FRZB: variants seen among roughly 807,000 people sequenced by gnomAD.
FRZB encodes the protein frizzled related protein.
Under a neutral mutation model 32.5 loss-of-function variants are expected in FRZB, and 34 were observed. That is an observed-to-expected ratio of 1.05 (90% CI 0.80 to 1.39). The LOEUF is 1.39. Among genes scored for constraint, FRZB ranks in the 40% most tolerant of loss-of-function variants. The pLI is 0.00. For missense variants in FRZB, 423 were observed against 424.8 expected, an observed-to-expected ratio of 1.00 and a Z score of 0.04; for synonymous variants, 170 against 159.2, an observed-to-expected ratio of 1.07 and a Z score of -0.51.
intron 2 of FRZB, among the ~76,000 whole-genome samples, chr2:182,853,268 A>G (rs184033157): frequency 6.6e-6 from 1 of 152,322 alleles, no homozygotes; most frequent in Non-Finnish European, 1.5e-5. Flanking sequence ...TACATGTTGA[A>G]CTGTTTTTTG....
chr2:182,836,185 C>T (rs779381217), intron 5 of FRZB, among the ~76,000 whole-genome samples: 1 of 151,810 alleles, frequency 6.6e-6, no homozygotes, highest in Non-Finnish European at 1.5e-5. Context: ...GGTAAACAAC[C>T]ATTTGCATGA....
intron 5 of FRZB, among the ~76,000 whole-genome samples, chr2:182,836,398 T>C (rs1695525919): frequency 1.3e-5 from 2 of 152,080 alleles, no homozygotes; most frequent in South Asian, 2.1e-4. Flanking sequence ...GCCCTCAATA[T>C]CTGCATATGA....
intron 2 of FRZB, among the ~76,000 whole-genome samples, chr2:182,845,294 C>G (rs1695627856): frequency 6.6e-6 from 1 of 152,166 alleles, no homozygotes; most frequent in Non-Finnish European, 1.5e-5. Context: ...TACCCTAAAT[C>G]AGATGTAACA....
chr2:182,858,584 T>C (rs1356490732), intron 2 of FRZB, among the ~76,000 whole-genome samples: 1 of 152,158 alleles, frequency 6.6e-6, no homozygotes, highest in Non-Finnish European at 1.5e-5. Flanking sequence ...AATTCATCTG[T>C]ACCAAACTAT....
chr2:182,856,983 A>T (rs1574988135), intron 2 of FRZB, among the ~76,000 whole-genome samples: 1 of 152,348 alleles, frequency 6.6e-6, no homozygotes, highest in Admixed American at 6.5e-5. Context: ...TTTAAAGGAC[A>T]TTCCACCCAA....
intron 2 of FRZB, among the ~76,000 whole-genome samples, chr2:182,856,202 A>C (rs1365258382): frequency 1.3e-5 from 2 of 152,048 alleles, no homozygotes; most frequent in Non-Finnish European, 2.9e-5. Context: ...ACCAGAAGGA[A>C]GTATGGAATG....
At chr2:182,848,696 T>C (rs1695674602) in intron 2 of FRZB, among the ~76,000 whole-genome samples, 1 of 152,156 alleles carries the variant, frequency 6.6e-6, no homozygotes, top group Non-Finnish European at 1.5e-5. Context: ...ATAGAAGTCA[T>C]ATTGGTATTA....
intron 2 of FRZB, among the ~76,000 whole-genome samples, chr2:182,846,529 A>G (rs1457484690): frequency 1.3e-5 from 2 of 152,260 alleles, no homozygotes; most frequent in South Asian, 2.1e-4. Flanking sequence ...TTGTGTTACA[A>G]TCTCCTTTAT....
At chr2:182,847,084 TG>T (rs1239032428) in intron 2 of FRZB, among the ~76,000 whole-genome samples, 1 of 152,156 alleles carries the variant, frequency 6.6e-6, no homozygotes, top group African/African-American at 2.4e-5. Flanking sequence ...GTAGGACACA[TG>T]ATGGGCACTA....
At chr2:182,844,031 C>T (rs1695613661) in intron 2 of FRZB, among the ~76,000 whole-genome samples, 1 of 152,084 alleles carries the variant, frequency 6.6e-6, no homozygotes, top group Non-Finnish European at 1.5e-5. Flanking sequence ...ATTTTATTTC[C>T]AGTTGAACTT....
At position 182,842,525 on chromosome 2, in the gene FRZB, G is replaced by T; in HGVS notation, c.545C>A (p.Pro182His). The T allele has an allele frequency of 5.6e-6, 9 of 1,612,184 alleles. No homozygotes were observed. Among genetic ancestry groups the T allele is most frequent in the Non-Finnish European group, 7.6e-6 (9 of 1,178,588 alleles). ...ATAGGTCTTCTGTGTAGCTCTAATA[G>T]GCTTACATTTACAGCGTTCTGAAAA... is the stretch of plus-strand genomic sequence containing the variant. ...GASSERCKCK[P>H]IRATQKTYFR... Residue 182 changes from proline (P) to histidine (H), a missense_variant, in exon 3 of 6, where the codon CCT (proline) becomes CAT (histidine). Physicochemically the swap from Pro to His is moderately conservative, Grantham distance 77. Transcript: ENST00000295113.
Position 182,841,017 on chromosome 2 carries a change from C to A in FRZB, c.592+1461G>T, listed in dbSNP as rs922157248. On this transcript the variant is annotated intron_variant, in intron 3 of 5. Transcript: ENST00000295113. ...AAAAGTTCAGAAAGCATTTTTCAATCTTAACAAGCTAATCTCCTAGAAATT... is the reference window on the plus strand; with the variant it reads ...AAAAGTTCAGAAAGCATTTTTCAATATTAACAAGCTAATCTCCTAGAAATT... 2.6e-5 allele frequency among the ~76,000 whole-genome samples: 4 copies of A among 152,056 alleles called. No homozygotes were observed. In the East Asian group the frequency reaches 7.7e-4, roughly 29 times the overall value.
At chr2:182,843,005 A>T (rs948788040) in intron 2 of FRZB, among the ~76,000 whole-genome samples, 5 of 152,150 alleles carry the variant, frequency 3.3e-5, no homozygotes, top group African/African-American at 1.2e-4. Flanking sequence ...TAGCTCCTAG[A>T]TCTGAAAGCA....
rs750538989 is a variant in FRZB, at chr2:182,866,071, T to A, written c.478+4A>T. 6.2e-7 allele frequency: 1 copy of A among 1,600,972 alleles called. No homozygotes were observed. Among genetic ancestry groups the A allele is most frequent in the South Asian group, 1.1e-5 (1 of 89,924 alleles). ...AGGGAAGGGTGGGCCGTGTCAAAAC[T>A]CACCAGCTCCGTCCGCAGTAACGAT... On this transcript the variant is annotated splice_donor_region_variant and intron_variant, in intron 1 of 5. Coordinates refer to ENST00000295113, the MANE Select transcript of FRZB (RefSeq NM_001463.4). The surrounding 1 kb of genome is among the most constrained non-coding windows in gnomAD (Gnocchi z 4.5).
At chr2:182,838,328 G>T (rs180673879) in intron 4 of FRZB, 81 bp downstream of exon 4, 47 of 1,174,124 alleles carry the variant, frequency 4.0e-5, no homozygotes, top group Non-Finnish European at 5.5e-5. Context: ...GTAAAAATGC[G>T]AGGGTAGCAT....
At chr2:182,837,865 A>G in intron 5 of FRZB, 83 bp downstream of exon 5, 1 of 1,012,290 alleles carries the variant, frequency 9.9e-7, no homozygotes. Flanking sequence ...GAAGGCAGCT[A>G]TTTCATTTCA....
chr2:182,851,527 G>C (rs1695710020), intron 2 of FRZB, among the ~76,000 whole-genome samples: 2 of 151,944 alleles, frequency 1.3e-5, no homozygotes, highest in South Asian at 4.1e-4. Flanking sequence ...GTGGTGGCGG[G>C]TGCCTGTAAT....
intron 2 of FRZB, among the ~76,000 whole-genome samples, chr2:182,851,323 T>C (rs1458528638): frequency 6.6e-6 from 1 of 152,140 alleles, no homozygotes; most frequent in Non-Finnish European, 1.5e-5. Flanking sequence ...TGTCACATAC[T>C]TAAATGAGAA....
chr2:182,838,543 C>G lies in FRZB; in HGVS notation c.663G>C (p.Glu221Asp). The G allele has an allele frequency of 6.2e-7, 1 of 1,612,854 alleles. No individual in the cohort carries two copies. Among genetic ancestry groups the G allele is most frequent in the Non-Finnish European group, 8.5e-7 (1 of 1,179,162 alleles). The change falls in exon 4 of 6, where the codon GAG becomes GAC. Residue 221 changes from glutamate to aspartate, a missense_variant. Glu to Asp is a conservative substitution (Grantham distance 45). Transcript: ENST00000295113. ...TGTTTACCAGAGAGGACTTTAGAAT[C>G]TCCTTCACCTCCACTACTGCAGTCA... ...HDVTAVVEVKEILKSSLVNIP... is the reference protein window; with the variant it reads ...HDVTAVVEVKDILKSSLVNIP...
Sources: gnomAD v4.1 joint callset for allele counts (sites outside exome capture counted in the v4.1 genomes callset) on GRCh38, gnomAD v4.1.1 for gene constraint, Gnocchi (gnomAD v3.1) non-coding constraint, MANE v1.5 for transcripts, NCBI Gene and HGNC (gene_info 2026-07-23, HGNC 2026-07-21) for gene names.